The following SPMAP2L variants were observed in gnomAD, a reference collection of about 807,000 sequenced individuals.
The protein encoded by SPMAP2L is sperm microtubule associated protein 2 like.
chr4:56,592,964 A>T, the SPMAP2L span: 1 of 1,604,688 alleles, frequency 6.2e-7, no homozygotes, highest in Non-Finnish European at 8.5e-7. Context: ...CCATTTGAAA[A>T]GACCCTTGAA....
chr4:56,565,187 A>G, the SPMAP2L span, among the ~76,000 whole-genome samples: 1 of 152,210 alleles, frequency 6.6e-6, no homozygotes, highest in Non-Finnish European at 1.5e-5. Context: ...GTTGGTTGGT[A>G]GTCTTGTTCA....
chr4:56,549,209 G>C, the SPMAP2L span, among the ~76,000 whole-genome samples: 1 of 151,934 alleles, frequency 6.6e-6, no homozygotes, highest in Non-Finnish European at 1.5e-5. Context: ...GGATGGTCTC[G>C]ATCTCCTGAC....
At chr4:56,543,227 G>A in the SPMAP2L span, among the ~76,000 whole-genome samples, 1 of 151,880 alleles carries the variant, frequency 6.6e-6, no homozygotes, top group Non-Finnish European at 1.5e-5. Flanking sequence ...GGGACTACAG[G>A]CGCCCGCCAC....
the SPMAP2L span, among the ~76,000 whole-genome samples, chr4:56,592,761 G>A: frequency 1.3e-5 from 2 of 152,030 alleles, no homozygotes; most frequent in Admixed American, 6.6e-5. Flanking sequence ...CCGTGGGGCC[G>A]GGACAGCAGC....
the SPMAP2L span, among the ~76,000 whole-genome samples, chr4:56,559,091 G>A: frequency 1.3e-5 from 2 of 151,510 alleles, no homozygotes; most frequent in African/African-American, 2.4e-5. Context: ...GTGCCACCAC[G>A]CCTGGCTAAT....
At chr4:56,548,796 C>T in the SPMAP2L span, 26 of 1,487,886 alleles carry the variant, frequency 1.7e-5, 1 homozygote, top group South Asian at 3.2e-4. Context: ...TTAGCAAATC[C>T]TGTTTCCTGT....
At chr4:56,566,695 CT>C in the SPMAP2L span, among the ~76,000 whole-genome samples, 211 of 92,426 alleles carry the variant, frequency 2.3e-3, 1 homozygote, top group African/African-American at 7.9e-3. Flanking sequence ...TTTTCTTTTT[CT>C]TTTTTTTTTT....
At chr4:56,568,188 T>C in the SPMAP2L span, among the ~76,000 whole-genome samples, 3 of 152,238 alleles carry the variant, frequency 2.0e-5, no homozygotes, top group Non-Finnish European at 2.9e-5. Flanking sequence ...ATCTTTTCTT[T>C]GCCTTCTTGA....
chr4:56,594,652 T>C, the SPMAP2L span: 1 of 1,337,130 alleles, frequency 7.5e-7, no homozygotes, highest in Non-Finnish European at 1.1e-6. Flanking sequence ...GCATGAAGAT[T>C]CAGCCTGTGG....
chr4:56,546,330 C>T, the SPMAP2L span, among the ~76,000 whole-genome samples: 1 of 152,096 alleles, frequency 6.6e-6, no homozygotes, highest in Non-Finnish European at 1.5e-5. Flanking sequence ...AATTTCGTTC[C>T]GGGAACTCTG....
chr4:56,559,754 A>T, the SPMAP2L span, among the ~76,000 whole-genome samples: 6 of 152,152 alleles, frequency 3.9e-5, no homozygotes, highest in South Asian at 2.1e-4. Flanking sequence ...TTTTTAGTAG[A>T]GACAGGGTTT....
the SPMAP2L span, among the ~76,000 whole-genome samples, chr4:56,602,907 A>G: frequency 1.3e-5 from 2 of 152,200 alleles, no homozygotes; most frequent in African/African-American, 4.8e-5. Context: ...CATAGGGGAT[A>G]CAAACTCAGG....
At chr4:56,603,089 G>A in the SPMAP2L span, 14 of 548,328 alleles carry the variant, frequency 2.6e-5, no homozygotes, top group Middle Eastern at 3.4e-4. Context: ...GTATAGTGGA[G>A]GTCATGAAAA....
the SPMAP2L span, among the ~76,000 whole-genome samples, chr4:56,542,177 C>T: frequency 6.6e-6 from 1 of 152,210 alleles, no homozygotes; most frequent in African/African-American, 2.4e-5. Flanking sequence ...GGGACATCAA[C>T]CCTTCCTTAC....
At chr4:56,564,298 C>G in the SPMAP2L span, among the ~76,000 whole-genome samples, 7 of 151,954 alleles carry the variant, frequency 4.6e-5, no homozygotes, top group Non-Finnish European at 8.8e-5. Flanking sequence ...ACCACCATGC[C>G]TAGCTAATTC....
chr4:56,581,546 G>A, the SPMAP2L span, among the ~76,000 whole-genome samples: 1 of 151,930 alleles, frequency 6.6e-6, no homozygotes, highest in Non-Finnish European at 1.5e-5. Context: ...CTTGAGCCTG[G>A]GAGATCAAGG....
At chr4:56,542,995 C>T in the SPMAP2L span, among the ~76,000 whole-genome samples, 5,780 of 151,212 alleles carry the variant, frequency 0.038, 169 homozygotes, top group Admixed American at 0.068. Flanking sequence ...CCATTCATGT[C>T]ATGTAAAAGT....
the SPMAP2L span, chr4:56,575,643 G>A: frequency 3.9e-6 from 6 of 1,534,712 alleles, no homozygotes; most frequent in African/African-American, 6.8e-5. Flanking sequence ...TACTAAATAG[G>A]TAGAGTATCT....
At chr4:56,543,268 A>G in the SPMAP2L span, among the ~76,000 whole-genome samples, 1 of 152,036 alleles carries the variant, frequency 6.6e-6, no homozygotes, top group Non-Finnish European at 1.5e-5. Context: ...TATTTTTAGT[A>G]GAGACGGAGT....
Sources: allele counts gnomAD v4.1 joint callset (sites outside exome capture counted in the v4.1 genomes callset), GRCh38; gene constraint gnomAD v4.1.1; transcripts MANE v1.5; gene names NCBI Gene and HGNC (gene_info 2026-07-23, HGNC 2026-07-21).